Variants in NPNT observed in about 807,000 individuals in gnomAD.
NPNT encodes nephronectin, also known as preosteoblast EGF-like repeat protein with MAM domain.
A neutral mutation model predicts 68.6 loss-of-function variants in NPNT; 45 were observed. The observed-to-expected ratio is 0.66, with a 90% CI of 0.52 to 0.84. The LOEUF is 0.84. Among genes scored for constraint, NPNT ranks in the 40% least tolerant of loss-of-function variants. NPNT has a pLI of 0.00. For synonymous variants in NPNT, 233 were observed against 253.3 expected (o/e 0.92, Z 0.76); for missense variants, 672 against 714.8 (o/e 0.94, Z 0.68).
rs567446589 is a variant in NPNT, at chr4:105,938,377, A to G, written c.462A>G (p.Pro154=). 2 of 1,613,536 alleles carry G rather than the reference A, an allele frequency of 1.2e-6. No homozygotes were observed. The highest frequency in any genetic ancestry group is 1.7e-6 in the Non-Finnish European group (2 of 1,179,588). ...VVKGQIRCQC[P]SPGLQLAPDG... is the part of the protein sequence containing the mutation. ...AAGGACAAATACGGTGCCAGTGCCC[A>G]TCCCCTGGCCTGCAGCTGGCTCCTG... The change falls in exon 5 of 12, where the codon CCA becomes CCG. Residue 154 remains proline (P), a synonymous_variant. Transcript: ENST00000379987.
intron 4 of NPNT, among the ~76,000 whole-genome samples, chr4:105,937,538 T>C (rs1729587186): frequency 6.6e-6 from 1 of 151,898 alleles, no homozygotes; most frequent in African/African-American, 2.4e-5. Flanking sequence ...TTTTAAATCA[T>C]TCATAAATAT....
At chr4:105,946,124 C>T (rs1439782949) in intron 8 of NPNT, among the ~76,000 whole-genome samples, 1 of 152,100 alleles carries the variant, frequency 6.6e-6, no homozygotes, top group African/African-American at 2.4e-5. Flanking sequence ...TGATCTGGGG[C>T]ATATTATTAT....
chr4:105,923,164 G>T (rs975407481), intron 2 of NPNT, among the ~76,000 whole-genome samples: 2 of 152,170 alleles, frequency 1.3e-5, no homozygotes, highest in African/African-American at 4.8e-5. Flanking sequence ...TTGCTGAAAA[G>T]GTTGGTTTTT....
At chr4:105,896,367 C>A (rs1376638892) in intron 1 of NPNT, among the ~76,000 whole-genome samples, 5 of 152,138 alleles carry the variant, frequency 3.3e-5, no homozygotes, top group East Asian at 1.9e-4. Flanking sequence ...CTCGGGCGAG[C>A]CTGACGGCGG....
chr4:105,956,788 C>T (rs946309677), intron 8 of NPNT, among the ~76,000 whole-genome samples: 4 of 152,160 alleles, frequency 2.6e-5, no homozygotes, highest in African/African-American at 9.7e-5. Context: ...GTTGCCTCAT[C>T]CCCTGGGTAT....
intron 3 of NPNT, among the ~76,000 whole-genome samples, chr4:105,934,748 A>G (rs1729378701): frequency 6.6e-6 from 1 of 152,196 alleles, no homozygotes; most frequent in South Asian, 2.1e-4. Context: ...TTCCTTTCAC[A>G]TATTCATACA....
chr4:105,943,477 A>G (rs1346160568), intron 8 of NPNT, among the ~76,000 whole-genome samples: 2 of 152,194 alleles, frequency 1.3e-5, no homozygotes, highest in African/African-American at 2.4e-5. Context: ...TTAGACCTAC[A>G]CTGGGGCTGG....
rs192753837 is a variant in NPNT, at chr4:105,970,754, T to C, written c.*1764T>C. The C allele has an allele frequency of 7.7e-5, 29 of 374,588 alleles. No homozygotes were observed. The highest frequency in any genetic ancestry group is 1.3e-4 in the Non-Finnish European group (26 of 195,788). 23.2% of individuals were successfully genotyped at this position (374,588 alleles called of 1,614,324 possible). On this transcript the variant is annotated 3_prime_UTR_variant, in exon 12 of 12. Coordinates refer to ENST00000379987, the MANE Select transcript of NPNT (RefSeq NM_001033047.3). Reference sequence around the variant, plus strand: ...TTACCCAAGGAAAAGTAACAAATTATAGAATTTCCCAAAAGATGTTTTGAT... The same window carrying C: ...TTACCCAAGGAAAAGTAACAAATTACAGAATTTCCCAAAAGATGTTTTGAT...
chr4:105,948,140 C>T (rs73836920), intron 8 of NPNT, among the ~76,000 whole-genome samples: 2,275 of 152,158 alleles, frequency 0.015, 63 homozygotes, highest in African/African-American at 0.052. Context: ...CCTGATACAG[C>T]TTAATATAGC....
At chr4:105,949,381 C>CA (rs1260292680) in intron 8 of NPNT, among the ~76,000 whole-genome samples, 1 of 152,138 alleles carries the variant, frequency 6.6e-6, no homozygotes, top group African/African-American at 2.4e-5. Flanking sequence ...CCACAAAACC[C>CA]AGTATCCCTC....
At chr4:105,966,794 GT>G (rs1202171041) in intron 10 of NPNT, among the ~76,000 whole-genome samples, 1 of 152,090 alleles carries the variant, frequency 6.6e-6, no homozygotes, top group Non-Finnish European at 1.5e-5. Flanking sequence ...TTTAGGGTCA[GT>G]TTTACCAAAC....
At chr4:105,930,899 C>T (rs1343788592) in intron 3 of NPNT, among the ~76,000 whole-genome samples, 2 of 152,134 alleles carry the variant, frequency 1.3e-5, no homozygotes, top group East Asian at 3.9e-4. Flanking sequence ...TTAGTGTGAT[C>T]TGCTTTTGGT....
intron 2 of NPNT, among the ~76,000 whole-genome samples, chr4:105,908,576 T>G (rs1370579745): frequency 6.6e-6 from 1 of 152,076 alleles, no homozygotes; most frequent in Non-Finnish European, 1.5e-5. Context: ...AGCCTTTTTT[T>G]TTTTTGAGAC....
At chr4:105,938,161 T>C (rs1729639286) in intron 4 of NPNT, 140 bp from the exon 5 acceptor site, 3 of 658,488 alleles carry the variant, frequency 4.6e-6, no homozygotes, top group East Asian at 2.8e-5. Context: ...TTATTTTCTT[T>C]AGATGTTTGA....
chr4:105,952,632 A>G (rs1730922036), intron 8 of NPNT, among the ~76,000 whole-genome samples: 1 of 152,260 alleles, frequency 6.6e-6, no homozygotes, highest in African/African-American at 2.4e-5. Context: ...TTAGAAATCT[A>G]CATCATAAAT....
chr4:105,923,754 T>C (rs1728450648), intron 2 of NPNT, among the ~76,000 whole-genome samples: 1 of 152,126 alleles, frequency 6.6e-6, no homozygotes, highest in Admixed American at 6.6e-5. Context: ...TCACTTCTGC[T>C]TTCATCCCAT....
At chr4:105,949,132 T>C (rs1265900427) in intron 8 of NPNT, among the ~76,000 whole-genome samples, 1 of 152,190 alleles carries the variant, frequency 6.6e-6, no homozygotes, top group African/African-American at 2.4e-5. Flanking sequence ...TGTTAAAAAG[T>C]TCTTAGGTCA....
chr4:105,957,220 CT>C (rs1731302262), intron 8 of NPNT, among the ~76,000 whole-genome samples: 1 of 151,704 alleles, frequency 6.6e-6, no homozygotes, highest in Non-Finnish European at 1.5e-5. Context: ...GTCTTCCTTC[CT>C]AACTCTTACC....
At position 105,969,065 on chromosome 4, in the gene NPNT, C is replaced by T; in HGVS notation, c.*75C>T. ...CAATTCTCATCTTCTCTCCTCTTCT[C>T]CCTTTTATCAGGCCTAGGAGAAGAG... On this transcript the variant is annotated 3_prime_UTR_variant, in exon 12 of 12. Coordinates refer to ENST00000379987, the MANE Select transcript of NPNT (RefSeq NM_001033047.3). 1 of 985,682 alleles carries T rather than the reference C, an allele frequency of 1.0e-6. No homozygotes were observed. Among genetic ancestry groups the T allele is most frequent in the Non-Finnish European group, 1.6e-6 (1 of 640,216 alleles). The allele number at this position is 985,682 out of a possible 1,614,324, so 61.1% of individuals were successfully genotyped here. A position where few individuals can be genotyped will look rare whatever the true frequency, so the allele number is the denominator to read the frequency against.
Sources: allele counts gnomAD v4.1 joint callset (sites outside exome capture counted in the v4.1 genomes callset), GRCh38; gene constraint gnomAD v4.1.1; transcripts MANE v1.5; gene names NCBI Gene and HGNC (gene_info 2026-07-23, HGNC 2026-07-21).